EDIL3: variants seen among roughly 807,000 people sequenced by gnomAD.
EDIL3 encodes EGF like and discoidin domains 3, also known as EGF-like repeat and discoidin I-like domain-containing protein 3.
A neutral mutation model predicts 67.4 loss-of-function variants in EDIL3; 37 were observed. The ratio of observed to expected loss-of-function variants is 0.55; its 90% CI spans 0.42 to 0.72. The LOEUF (loss-of-function observed/expected upper bound fraction) is 0.72, where lower values mean the gene tolerates loss of function less well. Ranked by LOEUF, EDIL3 falls within the 30% of genes least tolerant of loss-of-function variation. The pLI, the probability that EDIL3 is intolerant of heterozygous loss-of-function variation, is 0.00. For synonymous variants in EDIL3, 195 were observed against 196.3 expected, an observed-to-expected ratio of 0.99 and a Z score of 0.05; for missense variants, 527 against 586.3, an observed-to-expected ratio of 0.90 and a Z score of 1.04.
intron 6 of EDIL3, among the ~76,000 whole-genome samples, chr5:84,093,627 G>C (rs1464114765): frequency 1.3e-5 from 2 of 150,998 alleles, no homozygotes; most frequent in East Asian, 3.9e-4. Context: ...CTCAAAGTGG[G>C]AGAGGAAGCA....
intron 9 of EDIL3, among the ~76,000 whole-genome samples, chr5:84,046,311 A>G (rs546348227): frequency 1.5e-4 from 23 of 152,108 alleles, no homozygotes; most frequent in Non-Finnish European, 3.1e-4. Flanking sequence ...TCAAGACAAG[A>G]TAAGTGACCA....
chr5:84,288,810 T>G (rs1013794823), intron 1 of EDIL3, among the ~76,000 whole-genome samples: 1 of 152,142 alleles, frequency 6.6e-6, no homozygotes, highest in Non-Finnish European at 1.5e-5. Context: ...CTACACATTT[T>G]ACATAAATAT....
chr5:84,076,202 C>G (rs72774773), intron 6 of EDIL3, among the ~76,000 whole-genome samples: 9,922 of 151,940 alleles, frequency 0.065, 458 homozygotes, highest in Middle Eastern at 0.12. Context: ...TTTCTATATT[C>G]AATCTATTGC....
At chr5:84,335,472 G>T (rs2112170759) in intron 1 of EDIL3, among the ~76,000 whole-genome samples, 1 of 152,170 alleles carries the variant, frequency 6.6e-6, no homozygotes, top group Non-Finnish European at 1.5e-5. Flanking sequence ...GTATCGGAAG[G>T]CAAGCCCTAA....
At chr5:83,960,942 CA>C (rs1338666906) in intron 10 of EDIL3, among the ~76,000 whole-genome samples, 9 of 150,876 alleles carry the variant, frequency 6.0e-5, no homozygotes, top group Admixed American at 5.3e-4. Flanking sequence ...AAAAGAAGAT[CA>C]AATTATATGC....
chr5:84,108,502 C>T (rs533154345), intron 5 of EDIL3, among the ~76,000 whole-genome samples: 1 of 152,178 alleles, frequency 6.6e-6, no homozygotes, highest in East Asian at 1.9e-4. Context: ...AATTAAGAAG[C>T]CATTCATTAG....
chr5:83,947,239 G>T (rs191093789), intron 10 of EDIL3, among the ~76,000 whole-genome samples: 2 of 151,852 alleles, frequency 1.3e-5, no homozygotes, highest in African/African-American at 4.8e-5. Context: ...TATTTGCTTT[G>T]TTTATGGTAT....
chr5:84,019,353 C>G (rs1009194733), intron 9 of EDIL3, among the ~76,000 whole-genome samples: 1 of 150,890 alleles, frequency 6.6e-6, no homozygotes, highest in Non-Finnish European at 1.5e-5. Flanking sequence ...AATGAGAACA[C>G]ATGGACACAG....
intron 9 of EDIL3, among the ~76,000 whole-genome samples, chr5:84,019,149 T>C (rs575104369): frequency 1.5e-4 from 23 of 152,142 alleles, no homozygotes; most frequent in Non-Finnish European, 2.8e-4. Context: ...CCAACCCAAA[T>C]GTCCAACAAT....
intron 1 of EDIL3, among the ~76,000 whole-genome samples, chr5:84,312,772 T>C (rs944830153): frequency 3.9e-5 from 6 of 152,222 alleles, no homozygotes; most frequent in Non-Finnish European, 7.3e-5. Context: ...GTAATTAAAT[T>C]ACAATTTTTG....
At chr5:84,016,313 G>A (rs763420341) in intron 9 of EDIL3, among the ~76,000 whole-genome samples, 21 of 152,088 alleles carry the variant, frequency 1.4e-4, no homozygotes, top group South Asian at 4.1e-4. Context: ...CTAGTTTATC[G>A]TCATGCATAT....
intron 9 of EDIL3, among the ~76,000 whole-genome samples, chr5:84,049,017 A>C (rs1050809989): frequency 6.6e-5 from 10 of 152,182 alleles, no homozygotes; most frequent in African/African-American, 2.4e-4. Flanking sequence ...GTTGAAAGCC[A>C]GTGATAACAG....
At chr5:83,997,190 T>C (rs890405429) in intron 9 of EDIL3, among the ~76,000 whole-genome samples, 1 of 152,184 alleles carries the variant, frequency 6.6e-6, no homozygotes. Flanking sequence ...TAATGCTATA[T>C]TAAGCAGTTG....
chr5:84,355,495 C>CT (rs1747461884), intron 1 of EDIL3, among the ~76,000 whole-genome samples: 1 of 152,072 alleles, frequency 6.6e-6, no homozygotes, highest in Non-Finnish European at 1.5e-5. Flanking sequence ...ATTTGTCAAA[C>CT]TCATTCTCCA....
At chr5:84,136,497 G>A (rs1748096124) in intron 5 of EDIL3, among the ~76,000 whole-genome samples, 1 of 151,524 alleles carries the variant, frequency 6.6e-6, no homozygotes, top group South Asian at 2.1e-4. Context: ...TTAGGTAAGT[G>A]GTGCTTTCTG....
chr5:84,076,616 A>C (rs1368514554), intron 6 of EDIL3, among the ~76,000 whole-genome samples: 2 of 152,212 alleles, frequency 1.3e-5, no homozygotes, highest in Non-Finnish European at 2.9e-5. Context: ...TATCACCACC[A>C]ATTTCATCAG....
chr5:83,960,537 GA>G (rs1348851657), intron 10 of EDIL3, among the ~76,000 whole-genome samples: 1 of 150,878 alleles, frequency 6.6e-6, no homozygotes, highest in Non-Finnish European at 1.5e-5. Context: ...ATTTAAAAAA[GA>G]TTTATTTTGG....
At chr5:84,354,617 A>G (rs1747439044) in intron 1 of EDIL3, among the ~76,000 whole-genome samples, 1 of 150,644 alleles carries the variant, frequency 6.6e-6, no homozygotes, top group African/African-American at 2.4e-5. Flanking sequence ...AGATCACGCC[A>G]CTGCACTCCA....
At chr5:84,098,302 G>A (rs1365277397) in intron 6 of EDIL3, among the ~76,000 whole-genome samples, 1 of 151,992 alleles carries the variant, frequency 6.6e-6, no homozygotes, top group African/African-American at 2.4e-5. Context: ...GAAAGATTAG[G>A]GGGTTACTGT....
Sources: allele counts gnomAD v4.1 joint callset (sites outside exome capture counted in the v4.1 genomes callset), GRCh38; gene constraint gnomAD v4.1.1; transcripts MANE v1.5; gene names NCBI Gene and HGNC (gene_info 2026-07-23, HGNC 2026-07-21).